RGL2: variants seen among roughly 807,000 people sequenced by gnomAD.
The protein encoded by RGL2 is ral guanine nucleotide dissociation stimulator-like 2.
A neutral mutation model predicts 84.6 loss-of-function variants in RGL2; 40 were observed. The observed-to-expected ratio is 0.47, with a 90% CI of 0.37 to 0.62. RGL2 has a LOEUF of 0.62. Ranked by LOEUF, RGL2 falls within the 20% of genes least tolerant of loss-of-function variation. The probability of loss-of-function intolerance (pLI) is 0.00; values close to 1 mark genes in which losing one functional copy is unlikely to be tolerated. For missense variants in RGL2, 865 were observed against 1,019.7 expected, an observed-to-expected ratio of 0.85 and a Z score of 2.07; for synonymous variants, 369 against 417.3, an observed-to-expected ratio of 0.88 and a Z score of 1.41.
chr6:33,300,883 G>C (rs1768518276), upstream of RGL2: 1 of 149,296 alleles, frequency 6.7e-6, no homozygotes, highest in South Asian at 2.1e-4. Context: ...GGAGAATGGC[G>C]TGAACCCGAG....
In RGL2 at chr6:33,295,516, C is replaced by G. The variant is rs752272280; in HGVS notation, c.1012G>C (p.Val338Leu). The G allele has an allele frequency of 1.2e-6, 2 of 1,613,492 alleles. No homozygotes were observed. Among genetic ancestry groups the G allele is most frequent in the Non-Finnish European group, 1.7e-6 (2 of 1,179,682 alleles). Residue 338 changes from valine (V) to leucine (L), a missense_variant, in exon 7 of 18, where the codon GTG becomes CTG. Physicochemically the swap from Val to Leu is conservative, Grantham distance 32. Coordinates refer to ENST00000497454, the MANE Select transcript of RGL2 (RefSeq NM_004761.5). This position sits in a 1 kb window ranked among gnomAD's most constrained non-coding sequence, Gnocchi z 7.2. ...GCAATCTTCTCTCTCACCTCTGCCA[C>G]GCGGATCCACTTCTCCAGGAGCCGG... is the stretch of plus-strand genomic sequence containing the variant. ...RARLLEKWIR[V>L]AEECRLLRNF... is the part of the protein sequence containing the mutation.
Position 33,297,021 on chromosome 6 carries a change from C to A in RGL2, c.240+11G>T. 6.3e-7 allele frequency: 1 copy of A among 1,588,578 alleles called. No homozygotes were observed. The highest frequency in any genetic ancestry group is 8.6e-7 in the Non-Finnish European group (1 of 1,167,766). ...AGAGTCAGAGGTGAGAAGCTAAAGT[C>A]ATGATCTCACCAAGGGATCAAGAGG... On this transcript the variant is annotated intron_variant, in intron 3 of 17. Transcript: ENST00000497454. The surrounding 1 kb of genome is among the most constrained non-coding windows in gnomAD (Gnocchi z 4.0).
In RGL2 at chr6:33,294,621, G is replaced by A. The variant is rs924900174; in HGVS notation, c.1353+67C>T. On this transcript the variant is annotated intron_variant, in intron 11 of 17. Transcript: ENST00000497454. This position sits in a 1 kb window ranked among gnomAD's most constrained non-coding sequence, Gnocchi z 5.0. The stretch of plus-strand genomic sequence containing the variant: ...CCTTACAGCCCCTTGCAAGGGGCGG[G>A]GGGGTCTGTCCGACCCTGCAGCCCA... 8.3e-6 allele frequency: 13 copies of A among 1,557,384 alleles called. No homozygotes were observed. The African/African-American group carries it at 1.2e-4, about 15-fold the overall frequency.
At position 33,293,064 on chromosome 6, in the gene RGL2, TCGGATGATA is replaced by T. The variant is rs1225232815; in HGVS notation, c.1950_1958del (p.Ile651_Arg653del). 1 of 1,614,174 alleles carries T rather than the reference TCGGATGATA, an allele frequency of 6.2e-7. No homozygotes were observed. Among genetic ancestry groups the T allele is most frequent in the South Asian group, 1.1e-5 (1 of 91,092 alleles). On this transcript the variant is annotated inframe_deletion, in exon 16 of 18. Transcript: ENST00000497454. The surrounding 1 kb of genome is among the most constrained non-coding windows in gnomAD (Gnocchi z 7.0). ...CATCTTCCCCCAACTCCATCTGGAC[TCGGATGATA>T]CGGCAATCAGAGGCCCCTGGCCCAG...
At position 33,294,409 on chromosome 6, in the gene RGL2, A is replaced by G. The variant is rs1303832776; in HGVS notation, c.1353+279T>C. Among the ~76,000 whole-genome samples the G allele has an allele frequency of 6.6e-6, 1 of 152,188 alleles. No homozygotes were observed. Among genetic ancestry groups the G allele is most frequent in the Non-Finnish European group, 1.5e-5 (1 of 68,026 alleles). On this transcript the variant is annotated intron_variant, in intron 11 of 17. Transcript: ENST00000497454. The surrounding 1 kb of genome is among the most constrained non-coding windows in gnomAD (Gnocchi z 5.0). The stretch of plus-strand genomic sequence containing the variant: ...ATTTAACAAACTCTAGCAATAGAGC[A>G]GGAGCCCATCACAAAACCTAGATGT...
At position 33,297,186 on chromosome 6, in the gene RGL2, G is replaced by T; in HGVS notation, c.157-71C>A. On this transcript the variant is annotated intron_variant, in intron 2 of 17. Coordinates refer to ENST00000497454, the MANE Select transcript of RGL2 (RefSeq NM_004761.5). This position sits in a 1 kb window ranked among gnomAD's most constrained non-coding sequence, Gnocchi z 4.0. ...CCATTGCCCTCAGCCTTCACCCCAG[G>T]CCCTGCTCCTCCCTCTGTACCCCTC... is the stretch of plus-strand genomic sequence containing the variant. The T allele has an allele frequency of 8.3e-7, 1 of 1,197,648 alleles. No individual in the cohort carries two copies. The highest frequency in any genetic ancestry group is 1.2e-6 in the Non-Finnish European group (1 of 846,876). 74.2% of individuals were successfully genotyped at this position (1,197,648 alleles called of 1,614,324 possible).
Position 33,292,595 on chromosome 6 carries a change from C to G in RGL2, c.2008-51G>C, listed in dbSNP as rs915181707. 2.1e-6 allele frequency: 3 copies of G among 1,453,636 alleles called. No homozygotes were observed. The African/African-American group carries it at 4.2e-5, about 20-fold the overall frequency. 90.0% of individuals were successfully genotyped at this position (1,453,636 alleles called of 1,614,324 possible). A position where few individuals can be genotyped will look rare whatever the true frequency, so the allele number is the denominator to read the frequency against. ...CAATCAATCAGCCATGATTTCCCAT[C>G]CTTCTACCCTCAGCCACTGAACCCA... On this transcript the variant is annotated intron_variant, in intron 16 of 17. Transcript: ENST00000497454.
chr6:33,293,188 C>G lies in RGL2; in HGVS notation c.1835G>C (p.Arg612Pro). The G allele has an allele frequency of 6.3e-7, 1 of 1,594,252 alleles. No individual in the cohort carries two copies. The highest frequency in any genetic ancestry group is 8.5e-7 in the Non-Finnish European group (1 of 1,170,896). The change falls in exon 16 of 18, where the codon CGA (arginine) becomes CCA (proline). Residue 612 changes from arginine to proline, a missense_variant. By Grantham distance (103) the Arg-to-Pro change is moderately radical. Transcript: ENST00000497454. The surrounding 1 kb of genome is among the most constrained non-coding windows in gnomAD (Gnocchi z 7.0). ...ACAGGAGGCTGAGCGGCGGTGACCTCGAGAAGGCCTAGGGGAGGAGGCTGG... is the reference window on the plus strand; with the variant it reads ...ACAGGAGGCTGAGCGGCGGTGACCTGGAGAAGGCCTAGGGGAGGAGGCTGG... Reference protein sequence around the residue: ...SPPASSPRPSRGHRRSASCGS... With the variant: ...SPPASSPRPSPGHRRSASCGS...
At position 33,295,263 on chromosome 6, in the gene RGL2, C is replaced by T. The variant is rs564594057; in HGVS notation, c.1125-52G>A. 17 of 1,565,114 alleles carry T rather than the reference C, an allele frequency of 1.1e-5. No individual in the cohort carries two copies. The highest frequency in any genetic ancestry group is 3.5e-5 in the South Asian group (3 of 85,794). On this transcript the variant is annotated intron_variant, in intron 8 of 17. Transcript: ENST00000497454. This position sits in a 1 kb window ranked among gnomAD's most constrained non-coding sequence, Gnocchi z 7.2. The stretch of plus-strand genomic sequence containing the variant: ...AGGACAGGCCTGGCTCTGTCACCCC[C>T]TCTTCCCCGCCTTCTGAGGAACCCC...
chr6:33,294,134 C>T lies in RGL2; in HGVS notation c.1354-68G>A. The T allele has an allele frequency of 6.5e-7, 1 of 1,547,028 alleles. No individual in the cohort carries two copies. Among genetic ancestry groups the T allele is most frequent in the Non-Finnish European group, 8.8e-7 (1 of 1,137,056 alleles). ...TTCCGGCCACAGAGAGAGAATATCC[C>T]CTCTCTTAAACACACACAGCCACAT... On this transcript the variant is annotated intron_variant, in intron 11 of 17. Coordinates refer to ENST00000497454, the MANE Select transcript of RGL2 (RefSeq NM_004761.5). This position sits in a 1 kb window ranked among gnomAD's most constrained non-coding sequence, Gnocchi z 5.0.
rs1313364237 is a variant in RGL2 at position 33,296,015 on chromosome 6, G to A, written c.768+13C>T. The A allele has an allele frequency of 1.9e-6, 3 of 1,613,864 alleles. No homozygotes were observed. Among genetic ancestry groups the A allele is most frequent in the Non-Finnish European group, 1.7e-6 (2 of 1,179,948 alleles). ...GGGTCAGGGGGCATAGGGGCCAGAG[G>A]TCAGGGTCTCACCGCATCTAGCAGG... On this transcript the variant is annotated intron_variant, in intron 6 of 17. Coordinates refer to ENST00000497454, the MANE Select transcript of RGL2 (RefSeq NM_004761.5). This position sits in a 1 kb window ranked among gnomAD's most constrained non-coding sequence, Gnocchi z 5.0.
chr6:33,294,694 C>T lies in RGL2; in HGVS notation c.1347G>A (p.Glu449=). The T allele has an allele frequency of 6.2e-7, 1 of 1,614,046 alleles. No individual in the cohort carries two copies. ...LVMLDAASKD[E]LENGYINFDK... Reference sequence around the variant, plus strand: ...ACACACACACACCACTGACCTCCAACTCATCCTTGGAGGCTGCATCCAGCA... The same window carrying T: ...ACACACACACACCACTGACCTCCAATTCATCCTTGGAGGCTGCATCCAGCA... The change falls in exon 11 of 18, where the codon GAG becomes GAA. Residue 449 remains glutamate, a synonymous_variant. Coordinates refer to ENST00000497454, the MANE Select transcript of RGL2 (RefSeq NM_004761.5). This position sits in a 1 kb window ranked among gnomAD's most constrained non-coding sequence, Gnocchi z 5.0.
At position 33,295,474 on chromosome 6, in the gene RGL2, T is replaced by C. The variant is rs773300344; in HGVS notation, c.1020+34A>G. 79 of 1,613,364 alleles carry C rather than the reference T, an allele frequency of 4.9e-5. No individual in the cohort carries two copies. The highest frequency in any genetic ancestry group is 6.7e-5 in the African/African-American group (5 of 74,914). ...GGCTATGGGAGGCCTCTCCATTCCA[T>C]GGCCACAAACCGTAGGGCAATCTTC... On this transcript the variant is annotated intron_variant, in intron 7 of 17. Transcript: ENST00000497454. This position sits in a 1 kb window ranked among gnomAD's most constrained non-coding sequence, Gnocchi z 7.2.
Position 33,293,228 on chromosome 6 carries a change from TG to T in RGL2, c.1794del (p.Ser599AlafsTer26). On this transcript the variant is annotated frameshift_variant, in exon 16 of 18. Transcript: ENST00000497454. LOFTEE classifies it high-confidence loss of function. This position sits in a 1 kb window ranked among gnomAD's most constrained non-coding sequence, Gnocchi z 7.0. ...SSPSLHSPAD[P>X]SHLSPPASSP... ...GAGGAGGCTGGTGGGGAGAGGTGGC[TG>T]GGGTCAGCTGGACTGTGCAGGGATG... 1.3e-6 allele frequency: 2 copies of T among 1,559,282 alleles called. No homozygotes were observed. The highest frequency in any genetic ancestry group is 1.7e-6 in the Non-Finnish European group (2 of 1,155,850).
Position 33,295,830 on chromosome 6 carries a change from G to C in RGL2, c.769-71C>G. 1 of 1,549,704 alleles carries C rather than the reference G, an allele frequency of 6.5e-7. No individual in the cohort carries two copies. The highest frequency in any genetic ancestry group is 8.8e-7 in the Non-Finnish European group (1 of 1,136,636). ...CAGCCTTCCAATATCAGGGATCTGA[G>C]GATCTCAGGTGGCCAAGGAACCAGA... On this transcript the variant is annotated intron_variant, in intron 6 of 17. Transcript: ENST00000497454. The surrounding 1 kb of genome is among the most constrained non-coding windows in gnomAD (Gnocchi z 7.2).
chr6:33,294,252 A>T lies in RGL2; in HGVS notation c.1354-186T>A, dbSNP rs543341443. On this transcript the variant is annotated intron_variant, in intron 11 of 17. Coordinates refer to ENST00000497454, the MANE Select transcript of RGL2 (RefSeq NM_004761.5). This position sits in a 1 kb window ranked among gnomAD's most constrained non-coding sequence, Gnocchi z 5.0. Reference sequence around the variant, plus strand: ...TATCATGGCCTAAGCACTCCACTTGACCCTTTAAATTGAATTTCTCAGGTA... The same window carrying T: ...TATCATGGCCTAAGCACTCCACTTGTCCCTTTAAATTGAATTTCTCAGGTA... Among the ~76,000 whole-genome samples the T allele has an allele frequency of 6.6e-6, 1 of 151,900 alleles. No individual in the cohort carries two copies. The highest frequency in any genetic ancestry group is 2.1e-4 in the South Asian group (1 of 4,808).
Position 33,293,629 on chromosome 6 carries a change from T to C in RGL2, c.1579A>G (p.Thr527Ala). 1 of 1,614,154 alleles carries C rather than the reference T, an allele frequency of 6.2e-7. No individual in the cohort carries two copies. The highest frequency in any genetic ancestry group is 8.5e-7 in the Non-Finnish European group (1 of 1,180,018). ...DPPAPRVLRP[T>A]LVISQWTEVL... ...TCTGTCCACTGCGAGATGACCAATG[T>C]TGGCCGAAGCACCCGTGGGGCAGGA... is the stretch of plus-strand genomic sequence containing the variant. The change falls in exon 14 of 18, where the codon ACA becomes GCA. Residue 527 changes from threonine to alanine, a missense_variant. This residue lies in a region of RGL2 where 302 missense variants were observed against 327.9 expected (regional missense o/e 0.92). Coordinates refer to ENST00000497454, the MANE Select transcript of RGL2 (RefSeq NM_004761.5). This position sits in a 1 kb window ranked among gnomAD's most constrained non-coding sequence, Gnocchi z 7.0.
In RGL2 at chr6:33,296,337, G is replaced by A; in HGVS notation, c.471-12C>T. 4 of 1,608,236 alleles carry A rather than the reference G, an allele frequency of 2.5e-6. No homozygotes were observed. In the South Asian group the frequency reaches 4.4e-5, roughly 18 times the overall value. On this transcript the variant is annotated splice_polypyrimidine_tract_variant and intron_variant, in intron 5 of 17. Coordinates refer to ENST00000497454, the MANE Select transcript of RGL2 (RefSeq NM_004761.5). This position sits in a 1 kb window ranked among gnomAD's most constrained non-coding sequence, Gnocchi z 5.0. ...CAGAGATGGCTACCCTGGGAGAAGG[G>A]AATCAGCCAAGGGTGAGAGGTAAAG...
At position 33,295,671 on chromosome 6, in the gene RGL2, G is replaced by A; in HGVS notation, c.857C>T (p.Ser286Phe). The A allele has an allele frequency of 6.2e-7, 1 of 1,613,910 alleles. No homozygotes were observed. The highest frequency in any genetic ancestry group is 8.5e-7 in the Non-Finnish European group (1 of 1,180,036). ...DRPGHSHLCP[S>F]VRATVTQFNK... ...AAACTGTGTGACAGTAGCTCGGACA[G>A]ATGGGCAGAGGTGAGAATGTCCTGG... The change falls in exon 7 of 18, where the codon TCT becomes TTT. Residue 286 changes from serine (S) to phenylalanine (F), a missense_variant. By Grantham distance (155) the Ser-to-Phe change is radical. This residue lies in a region of RGL2 where 455 missense variants were observed against 507.8 expected (regional missense o/e 0.90). Transcript: ENST00000497454. This position sits in a 1 kb window ranked among gnomAD's most constrained non-coding sequence, Gnocchi z 7.2.
Sources: allele counts gnomAD v4.1 joint callset (sites outside exome capture counted in the v4.1 genomes callset), GRCh38; gene constraint gnomAD v4.1.1; regional missense constraint gnomAD v4.1.1; non-coding constraint Gnocchi (gnomAD v3.1); transcripts MANE v1.5; gene names NCBI Gene and HGNC (gene_info 2026-07-23, HGNC 2026-07-21).